PCDHGA8: variants seen among roughly 807,000 people sequenced by gnomAD.
The protein encoded by PCDHGA8 is protocadherin gamma-A8.
PCDHGA8 carries 45 observed loss-of-function variants against 59.2 expected under a neutral mutation model. That is an observed-to-expected ratio of 0.76 (90% CI 0.60 to 0.98). PCDHGA8 has a LOEUF of 0.98. PCDHGA8 is among the 50% of genes least tolerant of loss of function. The probability of loss-of-function intolerance (pLI) is 0.00; values close to 1 mark genes in which losing one functional copy is unlikely to be tolerated. For missense variants in PCDHGA8, 1,257 were observed against 1,196.2 expected (o/e 1.05, Z -0.75); for synonymous variants, 531 against 519.0 (o/e 1.02, Z -0.32).
chr5:141,397,975 G>T, intron 1 of PCDHGA8: 4 of 1,189,018 alleles, frequency 3.4e-6, no homozygotes, highest in Non-Finnish European at 4.6e-6. Flanking sequence ...CCCCAGCGCC[G>T]GCCTTTACAC....
chr5:141,393,349 C>G lies in PCDHGA8; in HGVS notation c.536C>G (p.Ser179Cys). The G allele has an allele frequency of 6.2e-7, 1 of 1,613,964 alleles. No homozygotes were observed. Among genetic ancestry groups the G allele is most frequent in the Non-Finnish European group, 8.5e-7 (1 of 1,179,886 alleles). ...CAGCTCAGCCCCAATCACCACTTCTCCCTGGACGTGCAGACTGGAGACAAT... is the reference window on the plus strand; with the variant it reads ...CAGCTCAGCCCCAATCACCACTTCTGCCTGGACGTGCAGACTGGAGACAAT... Reference protein sequence around the residue: ...SYQLSPNHHFSLDVQTGDNGA... With the variant: ...SYQLSPNHHFCLDVQTGDNGA... The change falls in exon 1 of 4, where the codon TCC becomes TGC. Residue 179 changes from serine (S) to cysteine (C), a missense_variant. By Grantham distance (112) the Ser-to-Cys change is moderately radical. Transcript: ENST00000398604.
At chr5:141,399,805 T>C (rs776266997) in intron 1 of PCDHGA8, 26 of 1,613,074 alleles carry the variant, frequency 1.6e-5, no homozygotes, top group Non-Finnish European at 8.5e-7. Flanking sequence ...GCGGGTGCTG[T>C]ACCCCGCGCT....
chr5:141,415,062 G>C, intron 1 of PCDHGA8: 1 of 1,613,426 alleles, frequency 6.2e-7, no homozygotes, highest in Non-Finnish European at 8.5e-7. Context: ...ACACGGGCGA[G>C]GTGCGCACGG....
In PCDHGA8 at chr5:141,476,599, TC is replaced by T; in HGVS notation, c.2425-18205del. The T allele has an allele frequency of 6.2e-7, 1 of 1,614,210 alleles. No individual in the cohort carries two copies. ...GCTTTCCGCTCGAGAGCGCGCACGA[TC>T]CCGATGTGGGAAGCAACTCTTTACA... is the stretch of plus-strand genomic sequence containing the variant. On this transcript the variant is annotated intron_variant, in intron 1 of 3. Transcript: ENST00000398604. This position sits in a 1 kb window ranked among gnomAD's most constrained non-coding sequence, Gnocchi z 7.6.
In PCDHGA8 at chr5:141,393,259, G is replaced by C. The variant is rs1561641378; in HGVS notation, c.446G>C (p.Gly149Ala). The C allele has an allele frequency of 6.2e-7, 1 of 1,613,874 alleles. No individual in the cohort carries two copies. The highest frequency in any genetic ancestry group is 1.7e-5 in the Admixed American group (1 of 60,024). ...AAAATTAACGAAATCGCGGTTCCTG[G>C]AGCACGTTATCCACTCCCAGAAGCT... ...EVKINEIAVP[G>A]ARYPLPEAVD... Residue 149 changes from glycine to alanine, a missense_variant, in exon 1 of 4, where the codon GGA (glycine) becomes GCA (alanine). By Grantham distance (60) the Gly-to-Ala change is moderately conservative (BLOSUM62 0). Coordinates refer to ENST00000398604, the MANE Select transcript of PCDHGA8 (RefSeq NM_032088.2).
At chr5:141,502,866 C>CTTT (rs549047197) in intron 2 of PCDHGA8, among the ~76,000 whole-genome samples, 3 of 128,046 alleles carry the variant, frequency 2.3e-5, no homozygotes, top group African/African-American at 9.3e-5. Context: ...GACTCTCTGT[C>CTTT]TTTTTTTTTT....
chr5:141,394,458 A>T lies in PCDHGA8; in HGVS notation c.1645A>T (p.Ser549Cys). The change falls in exon 1 of 4, where the codon AGC becomes TGC. Residue 549 changes from serine to cysteine, a missense_variant. Ser to Cys is a moderately radical substitution (Grantham distance 112). Coordinates refer to ENST00000398604, the MANE Select transcript of PCDHGA8 (RefSeq NM_032088.2). ...GCCCCTCAGCAGCAACATGTCACTG[A>T]GCCTGTTCGTGCTGGACCAGAATGA... is the stretch of plus-strand genomic sequence containing the variant. The part of the protein sequence containing the change: ...DPPLSSNMSL[S>C]LFVLDQNDNA... The T allele has an allele frequency of 6.2e-7, 1 of 1,614,218 alleles. No homozygotes were observed. Among genetic ancestry groups the T allele is most frequent in the Non-Finnish European group, 8.5e-7 (1 of 1,180,036 alleles).
In PCDHGA8 at chr5:141,486,705, A is replaced by T. The variant is rs2099633722; in HGVS notation, c.2425-8102A>T. On this transcript the variant is annotated intron_variant, in intron 1 of 3. Transcript: ENST00000398604. This position sits in a 1 kb window ranked among gnomAD's most constrained non-coding sequence, Gnocchi z 5.0. ...TCAGCTTCCTCTTTCATCTCTCTGA[A>T]CCCCCAGACAGGAGCTGTTCATGCT... The T allele has an allele frequency of 6.2e-7, 1 of 1,613,844 alleles. No individual in the cohort carries two copies. The highest frequency in any genetic ancestry group is 1.3e-5 in the African/African-American group (1 of 74,910).
intron 1 of PCDHGA8, chr5:141,441,889 GT>G: frequency 2.9e-6 from 1 of 346,022 alleles, no homozygotes; most frequent in South Asian, 2.6e-5. Flanking sequence ...GGTCACCAAG[GT>G]GGTGGCTGTA....
At chr5:141,410,746 C>T in intron 1 of PCDHGA8, 1 of 1,269,920 alleles carries the variant, frequency 7.9e-7, no homozygotes, top group Non-Finnish European at 1.1e-6. Flanking sequence ...ACAATATTTT[C>T]TCAATGTTTT....
At chr5:141,420,527 G>T (rs368419425) in intron 1 of PCDHGA8, 3 of 349,150 alleles carry the variant, frequency 8.6e-6, no homozygotes, top group Non-Finnish European at 1.5e-5. Flanking sequence ...ATACCTTTCG[G>T]TTAAAAATAT....
chr5:141,414,181 A>G, intron 1 of PCDHGA8: 2 of 1,609,294 alleles, frequency 1.2e-6, no homozygotes, highest in South Asian at 1.1e-5. Context: ...TGCAACTGCA[A>G]AAGTGTTGAT....
At chr5:141,409,357 T>C (rs754237134) in intron 1 of PCDHGA8, 4 of 1,613,968 alleles carry the variant, frequency 2.5e-6, no homozygotes, top group Non-Finnish European at 2.5e-6. Flanking sequence ...TCAGGTGTAA[T>C]ATAGAAACAG....
rs1015821056 is a variant in PCDHGA8 at position 141,397,642 on chromosome 5, T to C, written c.2424+2405T>C. On this transcript the variant is annotated intron_variant, in intron 1 of 3. Coordinates refer to ENST00000398604, the MANE Select transcript of PCDHGA8 (RefSeq NM_032088.2). Reference sequence around the variant, plus strand: ...TAGTTCTAGCTAAGAGTTCAAGGTATGTTTGCAGAATGGTGAAAGAATGGA... The same window carrying C: ...TAGTTCTAGCTAAGAGTTCAAGGTACGTTTGCAGAATGGTGAAAGAATGGA... Among the ~76,000 whole-genome samples, 3 of 152,236 alleles carry C rather than the reference T, an allele frequency of 2.0e-5. No individual in the cohort carries two copies. The East Asian group carries it at 5.8e-4, about 29-fold the overall frequency.
intron 1 of PCDHGA8, among the ~76,000 whole-genome samples, chr5:141,471,035 G>A (rs2099247157): frequency 7.1e-6 from 1 of 141,386 alleles, no homozygotes; most frequent in Admixed American, 7.1e-5. Flanking sequence ...TTATTAACAA[G>A]CCCAAGCCCT....
chr5:141,489,900 A>G lies in PCDHGA8; in HGVS notation c.2425-4907A>G, dbSNP rs963522810. The stretch of plus-strand genomic sequence containing the variant: ...TTACTGCTGTGGATGGGGGGACCCC[A>G]GCCCGCTCAGGGACCACCCTTATCT... On this transcript the variant is annotated intron_variant, in intron 1 of 3. Transcript: ENST00000398604. The surrounding 1 kb of genome is among the most constrained non-coding windows in gnomAD (Gnocchi z 4.5). The G allele has an allele frequency of 1.9e-6, 3 of 1,614,254 alleles. No homozygotes were observed. The highest frequency in any genetic ancestry group is 1.7e-5 in the Admixed American group (1 of 60,026).
intron 1 of PCDHGA8, chr5:141,409,578 T>A: frequency 6.2e-7 from 1 of 1,613,942 alleles, no homozygotes. Context: ...TCCTACGTGG[T>A]CCACGTGGCC....
intron 1 of PCDHGA8, chr5:141,427,962 G>C (rs767684725): frequency 5.0e-6 from 8 of 1,589,982 alleles, no homozygotes; most frequent in Non-Finnish European, 6.9e-6. Flanking sequence ...TGTGCCGCGG[G>C]TGCTGTACCC....
intron 1 of PCDHGA8, chr5:141,422,368 G>A: frequency 1.9e-6 from 3 of 1,565,294 alleles, no homozygotes; most frequent in Non-Finnish European, 2.6e-6. Context: ...TGGAGAAAAT[G>A]GTCAAGTCTC....
Sources: gnomAD v4.1 joint callset for allele counts (sites outside exome capture counted in the v4.1 genomes callset) on GRCh38, gnomAD v4.1.1 for gene constraint, Gnocchi (gnomAD v3.1) non-coding constraint, MANE v1.5 for transcripts, NCBI Gene and HGNC (gene_info 2026-07-23, HGNC 2026-07-21) for gene names.